Variants in LCLAT1 observed in about 807,000 individuals in gnomAD.
LCLAT1 encodes lysocardiolipin acyltransferase 1.
A neutral mutation model predicts 30.7 loss-of-function variants in LCLAT1; 11 were observed. That is an observed-to-expected ratio of 0.36 (90% CI 0.23 to 0.59). The LOEUF is 0.59. Ranked by LOEUF, LCLAT1 falls within the 20% of genes least tolerant of loss-of-function variation. The probability of loss-of-function intolerance (pLI) is 0.77; values close to 1 mark genes in which losing one functional copy is unlikely to be tolerated. For synonymous variants in LCLAT1, 155 were observed against 151.3 expected (o/e 1.02, Z -0.18); for missense variants, 402 against 458.6 (o/e 0.88, Z 1.13).
chr2:30,500,607 A>G (rs549686387), intron 1 of LCLAT1, among the ~76,000 whole-genome samples: 1 of 152,324 alleles, frequency 6.6e-6, no homozygotes, highest in African/African-American at 2.4e-5. Context: ...TACATAGCAG[A>G]TAGATTTAGG....
At chr2:30,635,662 G>T (rs1355079527) in intron 5 of LCLAT1, among the ~76,000 whole-genome samples, 1 of 151,864 alleles carries the variant, frequency 6.6e-6, no homozygotes, top group African/African-American at 2.4e-5. Flanking sequence ...TCAGAACCAA[G>T]ACTTCATAGA....
In LCLAT1 at chr2:30,463,201, A is replaced by G. The variant is rs560042480; in HGVS notation, c.-5+15818A>G. Among the ~76,000 whole-genome samples the G allele has an allele frequency of 8.8e-4, 134 of 152,158 alleles. No homozygotes were observed. The South Asian group carries it at 0.011, about 13-fold the overall frequency. Reference sequence around the variant, plus strand: ...CAGATCAGAATTACATTACTCAGAGATAGTTGATAACCATGTTTATTTTTA... The same window carrying G: ...CAGATCAGAATTACATTACTCAGAGGTAGTTGATAACCATGTTTATTTTTA... On this transcript the variant is annotated intron_variant, in intron 1 of 5. Coordinates refer to ENST00000379509, the MANE Select transcript of LCLAT1 (RefSeq NM_001002257.3).
intron 5 of LCLAT1, among the ~76,000 whole-genome samples, chr2:30,636,931 C>T (rs1046921077): frequency 3.9e-5 from 6 of 152,042 alleles, no homozygotes; most frequent in Admixed American, 1.3e-4. Context: ...GAAAGGAGAT[C>T]GGTCAAGGCT....
At chr2:30,550,833 G>A (rs1664645131) in intron 3 of LCLAT1, among the ~76,000 whole-genome samples, 1 of 151,928 alleles carries the variant, frequency 6.6e-6, no homozygotes, top group South Asian at 2.1e-4. Context: ...ATACTTCTGT[G>A]GAAAATATTT....
chr2:30,510,528 C>A lies in LCLAT1; in HGVS notation c.-4-15059C>A, dbSNP rs113713780. Among the ~76,000 whole-genome samples the A allele has an allele frequency of 9.3e-4, 142 of 152,308 alleles. 1 individual carries two copies. The highest frequency in any genetic ancestry group is 3.4e-3 in the African/African-American group (142 of 41,572). ...TGGAACGTTCTTTGTCTCCACTCTT[C>A]TGTAAGTTACAGTGGTATTCCTTGG... On this transcript the variant is annotated intron_variant, in intron 1 of 5. Coordinates refer to ENST00000379509, the MANE Select transcript of LCLAT1 (RefSeq NM_001002257.3).
intron 1 of LCLAT1, among the ~76,000 whole-genome samples, chr2:30,471,651 G>A (rs1176266076): frequency 1.3e-5 from 2 of 152,074 alleles, no homozygotes; most frequent in Non-Finnish European, 2.9e-5. Flanking sequence ...TGATGTTATT[G>A]TAAATGGAAT....
chr2:30,551,821 T>C (rs2148424560), intron 3 of LCLAT1, among the ~76,000 whole-genome samples: 1 of 152,334 alleles, frequency 6.6e-6, no homozygotes, highest in South Asian at 2.1e-4. Flanking sequence ...CCTCTTCCAC[T>C]TAAAAAAAAT....
chr2:30,572,660 G>A lies in LCLAT1; in HGVS notation c.628+4484G>A, dbSNP rs184532725. Among the ~76,000 whole-genome samples, 466 of 151,778 alleles carry A rather than the reference G, an allele frequency of 3.1e-3. 2 individuals carry two copies. The highest frequency in any genetic ancestry group is 5.4e-3 in the Non-Finnish European group (370 of 67,952). ...TTCCAGTGCTCATGTTCTTTCCACT[G>A]TATAAGAAGCTTACAGTTTTTCAAA... On this transcript the variant is annotated intron_variant, in intron 5 of 5. Coordinates refer to ENST00000379509, the MANE Select transcript of LCLAT1 (RefSeq NM_001002257.3).
chr2:30,539,124 T>C (rs1663980241), intron 3 of LCLAT1, among the ~76,000 whole-genome samples: 1 of 151,986 alleles, frequency 6.6e-6, no homozygotes, highest in South Asian at 2.1e-4. Context: ...CACGCCCAGC[T>C]AATTTTTGTA....
Position 30,514,300 on chromosome 2 carries a change from A to G in LCLAT1, c.-4-11287A>G, listed in dbSNP as rs75712643. 2.7e-3 allele frequency among the ~76,000 whole-genome samples: 417 copies of G among 152,360 alleles called. 3 individuals carry two copies. Among genetic ancestry groups the G allele is most frequent in the African/African-American group, 9.5e-3 (395 of 41,590 alleles). On this transcript the variant is annotated intron_variant, in intron 1 of 5. Coordinates refer to ENST00000379509, the MANE Select transcript of LCLAT1 (RefSeq NM_001002257.3). ...TTTGAACCTTCACATTTACAAATCT[A>G]TTGTAGCATATCACTTCCCCCAAGA...
intron 5 of LCLAT1, among the ~76,000 whole-genome samples, chr2:30,571,515 G>T (rs562896704): frequency 6.5e-3 from 997 of 152,290 alleles, no homozygotes; most frequent in African/African-American, 0.023. Context: ...TGCACAACTA[G>T]CTAACAGTCC....
At chr2:30,562,400 G>C in intron 4 of LCLAT1, 108 bp downstream of exon 4, 1 of 868,086 alleles carries the variant, frequency 1.2e-6, no homozygotes, top group Non-Finnish European at 1.7e-6. Context: ...TCCAGGTGTG[G>C]TGGTCCATCC....
intron 1 of LCLAT1, among the ~76,000 whole-genome samples, chr2:30,523,166 T>C (rs1440873909): frequency 6.6e-6 from 1 of 151,088 alleles, no homozygotes; most frequent in African/African-American, 2.4e-5. Context: ...AAACGGTAGT[T>C]ACAGGGTTTC....
chr2:30,600,044 T>C (rs1164406402), intron 5 of LCLAT1, among the ~76,000 whole-genome samples: 1 of 152,184 alleles, frequency 6.6e-6, no homozygotes, highest in Non-Finnish European at 1.5e-5. Context: ...TTTGTAGTGG[T>C]TGGTAACGGT....
At chr2:30,528,206 G>A (rs1685815195) in intron 2 of LCLAT1, among the ~76,000 whole-genome samples, 1 of 152,232 alleles carries the variant, frequency 6.6e-6, no homozygotes, top group East Asian at 1.9e-4. Flanking sequence ...AGCTGTAATA[G>A]AATCTGGGAA....
chr2:30,566,921 T>C (rs959210892), intron 4 of LCLAT1, among the ~76,000 whole-genome samples: 3 of 152,242 alleles, frequency 2.0e-5, no homozygotes, highest in Admixed American at 2.0e-4. Context: ...TATTTGTACA[T>C]GATGTGCTAA....
intron 1 of LCLAT1, among the ~76,000 whole-genome samples, chr2:30,468,870 G>T (rs960515765): frequency 6.6e-6 from 1 of 152,116 alleles, no homozygotes. Flanking sequence ...ATTCCCACCA[G>T]CAATATATGA....
At chr2:30,535,584 A>G (rs752033211) in intron 3 of LCLAT1, among the ~76,000 whole-genome samples, 2 of 152,226 alleles carry the variant, frequency 1.3e-5, no homozygotes, top group Non-Finnish European at 2.9e-5. Flanking sequence ...TATGGAGTCT[A>G]TATTACTGTT....
intron 5 of LCLAT1, among the ~76,000 whole-genome samples, chr2:30,611,714 A>G (rs530690948): frequency 1.3e-5 from 2 of 152,292 alleles, no homozygotes; most frequent in East Asian, 3.9e-4. Context: ...CTCTGGGCAT[A>G]GCAGCAAAGA....
Sources: gnomAD v4.1 joint callset for allele counts (sites outside exome capture counted in the v4.1 genomes callset) on GRCh38, gnomAD v4.1.1 for gene constraint, MANE v1.5 for transcripts, NCBI Gene and HGNC (gene_info 2026-07-23, HGNC 2026-07-21) for gene names.